DAGLB: variants seen among roughly 807,000 people sequenced by gnomAD.
The protein encoded by DAGLB is diacylglycerol lipase beta.
A neutral mutation model predicts 72.1 loss-of-function variants in DAGLB; 66 were observed. That is an observed-to-expected ratio of 0.92 (90% CI 0.75 to 1.12). The LOEUF is 1.12. DAGLB is among the 50% of genes most tolerant of loss of function. The pLI is 0.00. For missense variants in DAGLB, 1,065 were observed against 884.9 expected, an observed-to-expected ratio of 1.20 and a Z score of -2.58; for synonymous variants, 414 against 359.5, an observed-to-expected ratio of 1.15 and a Z score of -1.71.
At chr7:6,421,027 G>A (rs1379226542) in intron 9 of DAGLB, among the ~76,000 whole-genome samples, 3 of 152,198 alleles carry the variant, frequency 2.0e-5, no homozygotes. Flanking sequence ...CAGAGGCTGG[G>A]TGTGGTGGCT....
chr7:6,443,099 C>A (rs543232790), intron 2 of DAGLB, among the ~76,000 whole-genome samples: 1 of 149,028 alleles, frequency 6.7e-6, no homozygotes, highest in Admixed American at 6.7e-5. Context: ...AGGAGAATGG[C>A]GTGAACCCGG....
At chr7:6,430,447 A>G (rs1784450145) in intron 6 of DAGLB, 33 bp downstream of exon 6, 1 of 1,428,912 alleles carries the variant, frequency 7.0e-7, no homozygotes, top group Non-Finnish European at 9.3e-7. Context: ...TAAGGGAAAT[A>G]TGGCTATGGA....
At chr7:6,430,285 A>ATATATATATATATATATATATATGG (rs1784444801) in intron 6 of DAGLB, among the ~76,000 whole-genome samples, 195 bp downstream of exon 6, 2 of 98,422 alleles carry the variant, frequency 2.0e-5, no homozygotes, top group South Asian at 5.5e-4. Context: ...ATATATATGC[A>ATATATATATATATATATATATATGG]GGGGGGAGGG....
intron 7 of DAGLB, among the ~76,000 whole-genome samples, 193 bp downstream of exon 7, chr7:6,425,795 G>A (rs1784292174): frequency 2.0e-5 from 3 of 152,208 alleles, no homozygotes; most frequent in African/African-American, 4.8e-5. Context: ...GTGAAACCTG[G>A]GTTCTGAACC....
chr7:6,446,085 A>G lies in DAGLB; in HGVS notation c.115T>C (p.Leu39=). The change falls in exon 2 of 15, where the codon TTG becomes CTG. Residue 39 remains leucine (L), a synonymous_variant. Transcript: ENST00000297056. ...RVLWWIGILT[L]YLMHRGKLDC... ...AGCTTTCCTCTGTGCATGAGATACA[A>G]CGTCAGAATGCCAATCCACCTGGCA... 4 of 1,592,084 alleles carry G rather than the reference A, an allele frequency of 2.5e-6. No individual in the cohort carries two copies. The highest frequency in any genetic ancestry group is 3.4e-6 in the Non-Finnish European group (4 of 1,173,236).
intron 9 of DAGLB, 21 bp from the exon 10 acceptor site, chr7:6,416,942 G>A (rs371655779): frequency 1.2e-6 from 2 of 1,613,780 alleles, no homozygotes; most frequent in Non-Finnish European, 1.7e-6. Flanking sequence ...AGACAAAGAA[G>A]GTGGCCGTTA....
intron 7 of DAGLB, 148 bp from the exon 8 acceptor site, chr7:6,424,983 A>C: frequency 1.4e-6 from 1 of 714,766 alleles, no homozygotes; most frequent in Non-Finnish European, 2.5e-6. Context: ...CGCTCACTAC[A>C]CAGTGGGACC....
chr7:6,435,060 C>T (rs767673970), intron 3 of DAGLB, 40 bp from the exon 4 acceptor site: 1 of 1,600,692 alleles, frequency 6.2e-7, no homozygotes, highest in Non-Finnish European at 8.5e-7. Flanking sequence ...TGACTGCGGG[C>T]CCCAGCCCAG....
intron 3 of DAGLB, among the ~76,000 whole-genome samples, chr7:6,435,722 C>T (rs1784633907): frequency 1.3e-5 from 2 of 152,152 alleles, no homozygotes; most frequent in African/African-American, 2.4e-5. Context: ...GGCCTCTCAT[C>T]TATATGTTTA....
chr7:6,440,640 T>C (rs779078271), intron 2 of DAGLB, among the ~76,000 whole-genome samples: 8 of 152,130 alleles, frequency 5.3e-5, no homozygotes, highest in Non-Finnish European at 1.0e-4. Flanking sequence ...CTCATGCCTG[T>C]AATCCCAACA....
intron 11 of DAGLB, among the ~76,000 whole-genome samples, chr7:6,416,050 G>A (rs987143792): frequency 6.6e-6 from 1 of 152,030 alleles, no homozygotes; most frequent in Non-Finnish European, 1.5e-5. Context: ...GGGGGAGGTT[G>A]TGCTTGCTTG....
intron 13 of DAGLB, among the ~76,000 whole-genome samples, chr7:6,411,078 G>T (rs1361010836): frequency 2.6e-5 from 4 of 151,842 alleles, no homozygotes; most frequent in Admixed American, 2.6e-4. Flanking sequence ...TAGAGACGGG[G>T]TTTCACCGTG....
chr7:6,409,568 C>A lies in DAGLB; in HGVS notation c.*269G>T. On this transcript the variant is annotated 3_prime_UTR_variant, in exon 15 of 15. Coordinates refer to ENST00000297056, the MANE Select transcript of DAGLB (RefSeq NM_139179.4). Reference sequence around the variant, plus strand: ...CTCAGACAGCCAAGGGATCCATCCACGGGCCAGGGCTTCCCGAGGCTGTCT... The same window carrying A: ...CTCAGACAGCCAAGGGATCCATCCAAGGGCCAGGGCTTCCCGAGGCTGTCT... The A allele has an allele frequency of 1.9e-6, 1 of 513,098 alleles. No individual in the cohort carries two copies. Among genetic ancestry groups the A allele is most frequent in the Non-Finnish European group, 3.5e-6 (1 of 284,474 alleles). The allele number at this position is 513,098 out of a possible 1,614,324, so 31.8% of individuals were successfully genotyped here. A position where few individuals can be genotyped will look rare whatever the true frequency, so the allele number is the denominator to read the frequency against.
Position 6,416,945 on chromosome 7 carries a change from G to A in DAGLB, c.1219-24C>T, listed in dbSNP as rs1354759251. On this transcript the variant is annotated intron_variant, in intron 9 of 14. Transcript: ENST00000297056. ...CCCTAAAAACACAGACAAAGAAGGT[G>A]GCCGTTAATCCTCAGACAAGGCAGG... The A allele has an allele frequency of 1.9e-6, 3 of 1,613,558 alleles. No individual in the cohort carries two copies. The East Asian group carries it at 6.7e-5, about 36-fold the overall frequency.
At chr7:6,413,584 C>T (rs1018740357) in intron 11 of DAGLB, among the ~76,000 whole-genome samples, 2 of 151,366 alleles carry the variant, frequency 1.3e-5, no homozygotes, top group South Asian at 2.1e-4. Flanking sequence ...GAACTGAGAT[C>T]GCGCCACTGC....
rs1417096777 is a variant in DAGLB at position 6,430,556 on chromosome 7, C to G, written c.853G>C (p.Ala285Pro). 6.2e-7 allele frequency: 1 copy of G among 1,604,042 alleles called. No individual in the cohort carries two copies. The highest frequency in any genetic ancestry group is 8.5e-7 in the Non-Finnish European group (1 of 1,173,448). ...LENCHHYMQFAAAAYGWPLYI... is the reference protein window; with the variant it reads ...LENCHHYMQFPAAAYGWPLYI... Reference sequence around the variant, plus strand: ...AGGGGCCACCCATAGGCCGCTGCTGCAAACTGCATGTAATGATGGCAGTTT... The same window carrying G: ...AGGGGCCACCCATAGGCCGCTGCTGGAAACTGCATGTAATGATGGCAGTTT... Residue 285 changes from alanine (A) to proline (P), a missense_variant, in exon 6 of 15, where the codon GCA becomes CCA. Transcript: ENST00000297056.
intron 11 of DAGLB, among the ~76,000 whole-genome samples, chr7:6,414,539 G>T (rs963058840): frequency 4.7e-5 from 7 of 150,344 alleles, no homozygotes; most frequent in African/African-American, 2.4e-5. Flanking sequence ...GGGCTCAAGT[G>T]ATCCTCCTGC....
rs1456428414 is a variant in DAGLB at position 6,410,054 on chromosome 7, G to C, written c.1821-19C>G. On this transcript the variant is annotated intron_variant, in intron 14 of 14. Coordinates refer to ENST00000297056, the MANE Select transcript of DAGLB (RefSeq NM_139179.4). ...GCCAAACCTGAAGCAGAAAAGGAGA[G>C]ACAGCTCCCACGCGGCCCCAGGGCT... 2 of 1,608,170 alleles carry C rather than the reference G, an allele frequency of 1.2e-6. No individual in the cohort carries two copies. The highest frequency in any genetic ancestry group is 8.5e-7 in the Non-Finnish European group (1 of 1,176,366).
At chr7:6,444,045 T>A (rs1424533731) in intron 2 of DAGLB, among the ~76,000 whole-genome samples, 1 of 151,972 alleles carries the variant, frequency 6.6e-6, no homozygotes, top group African/African-American at 2.4e-5. Context: ...GACGAGAGGA[T>A]CACCTGAGCC....
Sources: allele counts gnomAD v4.1 joint callset (sites outside exome capture counted in the v4.1 genomes callset), GRCh38; gene constraint gnomAD v4.1.1; transcripts MANE v1.5; gene names NCBI Gene and HGNC (gene_info 2026-07-23, HGNC 2026-07-21).